Variants in DLC1 observed in about 807,000 individuals in gnomAD.
DLC1 encodes DLC1 Rho GTPase activating protein.
In DLC1, 54 loss-of-function variants were observed where a neutral mutation model predicts 140.3. The ratio of observed to expected loss-of-function variants is 0.38; its 90% CI spans 0.31 to 0.48. DLC1 has a LOEUF of 0.48. Among genes scored for constraint, DLC1 ranks in the 20% least tolerant of loss-of-function variants. DLC1 has a pLI of 0.96. For missense variants in DLC1, 2,536 were observed against 1,907.0 expected, an observed-to-expected ratio of 1.33 and a Z score of -6.14; for synonymous variants, 986 against 728.1, an observed-to-expected ratio of 1.35 and a Z score of -5.70.
In DLC1 at chr8:13,481,993, G is replaced by C. The variant is rs1484175093; in HGVS notation, c.1023+17056C>G. Among the ~76,000 whole-genome samples, 5 of 152,188 alleles carry C rather than the reference G, an allele frequency of 3.3e-5. 1 individual carries two copies. Among genetic ancestry groups the C allele is most frequent in the Non-Finnish European group, 5.9e-5 (4 of 68,028 alleles). On this transcript the variant is annotated intron_variant, in intron 2 of 17. Coordinates refer to ENST00000276297, the MANE Select transcript of DLC1 (RefSeq NM_182643.3). ...ATTAGCAGCAAAGCACCAGAAGCTA[G>C]GGGAGTGTAAAGGAACCAATTCTCC... is the stretch of plus-strand genomic sequence containing the variant.
In DLC1 at chr8:13,087,800, G is replaced by C. The variant is rs147222029; in HGVS notation, c.4292+687C>G. Among the ~76,000 whole-genome samples the C allele has an allele frequency of 4.6e-5, 7 of 152,330 alleles. No individual in the cohort carries two copies. In the East Asian group the frequency reaches 1.2e-3, roughly 25 times the overall value. On this transcript the variant is annotated intron_variant, in intron 16 of 17. Coordinates refer to ENST00000276297, the MANE Select transcript of DLC1 (RefSeq NM_182643.3). ...TTCTTCTTTCAGTAATATCTCCAGA[G>C]AATTTATGAATTACACATACATCAG...
intron 5 of DLC1, among the ~76,000 whole-genome samples, chr8:13,207,758 A>G (rs1340088139): frequency 6.6e-6 from 1 of 152,162 alleles, no homozygotes; most frequent in East Asian, 1.9e-4. Context: ...TACTGCCGAC[A>G]TACAGTTGGT....
intron 5 of DLC1, among the ~76,000 whole-genome samples, chr8:13,279,775 TG>T (rs1487937273): frequency 6.6e-6 from 1 of 152,188 alleles, no homozygotes; most frequent in Non-Finnish European, 1.5e-5. Flanking sequence ...CCACTAGAAA[TG>T]ATAGACACAG....
At chr8:13,136,804 G>A (rs936697855) in intron 5 of DLC1, among the ~76,000 whole-genome samples, 1 of 152,126 alleles carries the variant, frequency 6.6e-6, no homozygotes, top group African/African-American at 2.4e-5. Flanking sequence ...CAAAGTGTTG[G>A]GATTACAGGT....
At chr8:13,122,242 C>T (rs1821151372) in intron 5 of DLC1, among the ~76,000 whole-genome samples, 1 of 152,210 alleles carries the variant, frequency 6.6e-6, no homozygotes, top group Non-Finnish European at 1.5e-5. Context: ...AGACCACAGC[C>T]TTCACAGTTT....
chr8:13,220,698 C>T (rs148753172), intron 5 of DLC1, among the ~76,000 whole-genome samples: 1 of 152,256 alleles, frequency 6.6e-6, no homozygotes, highest in African/African-American at 2.4e-5. Context: ...GGGACATGCA[C>T]AGCATATTTA....
At chr8:13,337,126 A>G (rs867240810) in intron 4 of DLC1, among the ~76,000 whole-genome samples, 4 of 152,164 alleles carry the variant, frequency 2.6e-5, no homozygotes, top group African/African-American at 7.2e-5. Context: ...CGTAAATTCC[A>G]GATGGTTACA....
chr8:13,183,797 C>T (rs576792944), intron 5 of DLC1, among the ~76,000 whole-genome samples: 22 of 152,206 alleles, frequency 1.4e-4, no homozygotes, highest in Non-Finnish European at 2.4e-4. Context: ...TGTGTCTCTG[C>T]CAGGCTTTGC....
chr8:13,447,288 G>T (rs1018118484), intron 2 of DLC1, among the ~76,000 whole-genome samples: 2 of 151,994 alleles, frequency 1.3e-5, no homozygotes, highest in Non-Finnish European at 2.9e-5. Flanking sequence ...AATATTTTTT[G>T]TGTGTTCACT....
chr8:13,366,550 A>G (rs1309776484), intron 4 of DLC1, among the ~76,000 whole-genome samples: 1 of 152,212 alleles, frequency 6.6e-6, no homozygotes, highest in Non-Finnish European at 1.5e-5. Context: ...TGGGGAAAGA[A>G]CCCAGAGGTC....
At chr8:13,411,341 A>G (rs550948370) in intron 2 of DLC1, among the ~76,000 whole-genome samples, 42 of 152,352 alleles carry the variant, frequency 2.8e-4, no homozygotes, top group African/African-American at 8.2e-4. Flanking sequence ...TTCCAATTAT[A>G]TGATATTCTG....
intron 2 of DLC1, among the ~76,000 whole-genome samples, chr8:13,459,724 C>T (rs893376934): frequency 3.3e-5 from 5 of 152,068 alleles, no homozygotes; most frequent in African/African-American, 9.7e-5. Flanking sequence ...CTTTCCCATC[C>T]GGTCTAAATA....
chr8:13,409,294 T>G (rs1837688640), intron 2 of DLC1, among the ~76,000 whole-genome samples: 1 of 152,180 alleles, frequency 6.6e-6, no homozygotes, highest in African/African-American at 2.4e-5. Context: ...ATAAAGATTC[T>G]TTATGCTATC....
At chr8:13,151,014 C>T (rs575841539) in intron 5 of DLC1, among the ~76,000 whole-genome samples, 23 of 152,274 alleles carry the variant, frequency 1.5e-4, no homozygotes, top group African/African-American at 5.5e-4. Flanking sequence ...ACAGATGGAA[C>T]AGGGTAGTTG....
At chr8:13,557,807 T>C (rs927452835) in intron 1 of DLC1, 2 of 152,102 alleles carry the variant, frequency 1.3e-5, no homozygotes, top group African/African-American at 4.8e-5. Flanking sequence ...CAAGCTAAAA[T>C]AATAGGTGTG....
intron 1 of DLC1, among the ~76,000 whole-genome samples, chr8:13,529,147 T>G (rs919877770): frequency 6.6e-6 from 1 of 152,082 alleles, no homozygotes; most frequent in Admixed American, 6.6e-5. Flanking sequence ...TAAAATAAAA[T>G]GGGCCAAATA....
At chr8:13,392,744 GA>G (rs1180742698) in intron 4 of DLC1, among the ~76,000 whole-genome samples, 4 of 151,208 alleles carry the variant, frequency 2.6e-5, no homozygotes, top group Non-Finnish European at 5.9e-5. Flanking sequence ...TTCCTTAAAG[GA>G]AAATGTCTTT....
chr8:13,322,461 T>A (rs1344593030), intron 4 of DLC1, among the ~76,000 whole-genome samples: 3 of 144,936 alleles, frequency 2.1e-5, no homozygotes, highest in Admixed American at 1.5e-4. Flanking sequence ...ATTTTACTTA[T>A]AACCTTGGAT....
In DLC1 at chr8:13,499,699, T is replaced by G. The variant is rs1176709135; in HGVS notation, c.373A>C (p.Lys125Gln). 2.2e-5 allele frequency: 35 copies of G among 1,614,080 alleles called. No homozygotes were observed. The highest frequency in any genetic ancestry group is 2.7e-5 in the Non-Finnish European group (32 of 1,180,022). The change falls in exon 2 of 18, where the codon AAA (lysine) becomes CAA (glutamine). Residue 125 changes from lysine to glutamine, a missense_variant. Lys to Gln is a moderately conservative substitution (Grantham distance 53). Transcript: ENST00000276297. ...NNADLCLTDD[K>Q]QVLNTQGQKT... ...TGCCCTTGGGTATTTAAAACCTGTTTATCATCTGTAAGGCATAAATCAGCA... is the reference window on the plus strand; with the variant it reads ...TGCCCTTGGGTATTTAAAACCTGTTGATCATCTGTAAGGCATAAATCAGCA...
Sources: allele counts gnomAD v4.1 joint callset (sites outside exome capture counted in the v4.1 genomes callset), GRCh38; gene constraint gnomAD v4.1.1; transcripts MANE v1.5; gene names NCBI Gene and HGNC (gene_info 2026-07-23, HGNC 2026-07-21).